Variants in PRKCA observed in about 807,000 individuals in gnomAD.
PRKCA encodes the protein protein kinase C alpha type.
Under a neutral mutation model 87.0 loss-of-function variants are expected in PRKCA, and 27 were observed. That is an observed-to-expected ratio of 0.31 (90% CI 0.23 to 0.43). The LOEUF (loss-of-function observed/expected upper bound fraction) is 0.43. Among genes scored for constraint, PRKCA ranks in the 20% least tolerant of loss-of-function variants. The pLI is 1.00. For synonymous variants in PRKCA, 329 were observed against 311.1 expected, an observed-to-expected ratio of 1.06 and a Z score of -0.61; for missense variants, 518 against 852.3, an observed-to-expected ratio of 0.61 and a Z score of 4.88.
rs1442537633 is a variant in PRKCA at position 66,302,742 on chromosome 17, C to T, written c.-110C>T. The T allele has an allele frequency of 2.3e-6, 2 of 862,650 alleles. No individual in the cohort carries two copies. Among genetic ancestry groups the T allele is most frequent in the Non-Finnish European group, 2.9e-6 (2 of 699,554 alleles). The allele number at this position is 862,650 out of a possible 1,614,324, so 53.4% of individuals were successfully genotyped here. ...CGCGACCTCGGCCACCGGCCCGCGC[C>T]CCGCGCCCGGGGTCGCCCCGAGCCC... On this transcript the variant is annotated 5_prime_UTR_variant, in exon 1 of 17. Coordinates refer to ENST00000413366, the MANE Select transcript of PRKCA (RefSeq NM_002737.3).
At chr17:66,794,625 T>C (rs577376292) in intron 16 of PRKCA, among the ~76,000 whole-genome samples, 1,219 of 102,844 alleles carry the variant, frequency 0.012, 13 homozygotes, top group Middle Eastern at 0.018. Flanking sequence ...GGGTTTTTTG[T>C]TTTTTTTTTT....
At chr17:66,431,662 C>G (rs147721844) in intron 2 of PRKCA, among the ~76,000 whole-genome samples, 28 of 152,332 alleles carry the variant, frequency 1.8e-4, no homozygotes, top group Non-Finnish European at 2.9e-4. Context: ...ATCAGTGACA[C>G]ACATGCCCTT....
At chr17:66,728,891 G>A (rs999789732) in intron 8 of PRKCA, among the ~76,000 whole-genome samples, 2 of 152,192 alleles carry the variant, frequency 1.3e-5, no homozygotes, top group African/African-American at 2.4e-5. Context: ...AGTATGAACC[G>A]CAACTTCACC....
chr17:66,579,125 G>T (rs1334342371), intron 3 of PRKCA, among the ~76,000 whole-genome samples: 1 of 152,172 alleles, frequency 6.6e-6, no homozygotes, highest in Admixed American at 6.5e-5. Context: ...TGTGGCGCTG[G>T]CACACAGCAG....
chr17:66,507,090 C>T (rs1274930928), intron 3 of PRKCA, among the ~76,000 whole-genome samples: 2 of 152,108 alleles, frequency 1.3e-5, no homozygotes, highest in Non-Finnish European at 2.9e-5. Flanking sequence ...TTAAATGTTT[C>T]TTGAGCATTT....
chr17:66,658,345 G>T (rs1298195823), intron 5 of PRKCA, among the ~76,000 whole-genome samples: 2 of 152,152 alleles, frequency 1.3e-5, no homozygotes, highest in East Asian at 3.9e-4. Context: ...GCTGGGCATG[G>T]TGGCAGACAC....
chr17:66,533,533 A>T (rs1436767322), intron 3 of PRKCA, among the ~76,000 whole-genome samples: 2 of 152,182 alleles, frequency 1.3e-5, no homozygotes, highest in Admixed American at 6.5e-5. Flanking sequence ...ACGAATGCTG[A>T]ATTTGGCTAG....
chr17:66,547,514 G>A (rs979275963), intron 3 of PRKCA, among the ~76,000 whole-genome samples: 2 of 152,136 alleles, frequency 1.3e-5, no homozygotes, highest in Non-Finnish European at 2.9e-5. Context: ...TCAGTAAGTT[G>A]AGTGCTGGTT....
chr17:66,773,110 C>G (rs115671313), intron 13 of PRKCA, among the ~76,000 whole-genome samples: 1 of 151,858 alleles, frequency 6.6e-6, no homozygotes, highest in Non-Finnish European at 1.5e-5. Context: ...GGACTCCAGA[C>G]TCACACCACC....
intron 3 of PRKCA, among the ~76,000 whole-genome samples, chr17:66,564,713 G>A (rs1035293887): frequency 2.6e-5 from 4 of 152,142 alleles, no homozygotes; most frequent in Admixed American, 2.0e-4. Flanking sequence ...CGGGTGCAGT[G>A]GCTCATGCCT....
At chr17:66,331,758 A>T (rs1226626306) in intron 2 of PRKCA, among the ~76,000 whole-genome samples, 1 of 152,232 alleles carries the variant, frequency 6.6e-6, no homozygotes, top group Non-Finnish European at 1.5e-5. Context: ...AAGGGTTGGA[A>T]CATACAGACA....
intron 2 of PRKCA, among the ~76,000 whole-genome samples, chr17:66,399,895 T>C (rs1910920084): frequency 6.6e-6 from 1 of 152,144 alleles, no homozygotes; most frequent in Admixed American, 6.5e-5. Flanking sequence ...TTGGGGATTT[T>C]TTTAGATTTT....
intron 2 of PRKCA, among the ~76,000 whole-genome samples, chr17:66,481,208 T>G (rs945022425): frequency 1.3e-5 from 2 of 152,192 alleles, no homozygotes; most frequent in African/African-American, 2.4e-5. Flanking sequence ...AAATGTTCTC[T>G]TAGTGACTCT....
chr17:66,340,955 A>AG (rs1442598165), intron 2 of PRKCA, among the ~76,000 whole-genome samples: 1 of 152,130 alleles, frequency 6.6e-6, no homozygotes, highest in Non-Finnish European at 1.5e-5. Context: ...TGGGAATCAG[A>AG]GGAGTGTGGG....
At chr17:66,335,270 A>G (rs879833785) in intron 2 of PRKCA, among the ~76,000 whole-genome samples, 42 of 151,924 alleles carry the variant, frequency 2.8e-4, no homozygotes, top group Admixed American at 1.0e-3. Flanking sequence ...TGAGACTGCA[A>G]CACATGCACC....
chr17:66,741,473 T>C (rs548721736), intron 11 of PRKCA, among the ~76,000 whole-genome samples, 186 bp from the exon 12 acceptor site: 1 of 152,306 alleles, frequency 6.6e-6, no homozygotes, highest in African/African-American at 2.4e-5. Context: ...AGCTGTCTCA[T>C]TCACGGATAA....
intron 3 of PRKCA, 118 bp downstream of exon 3, chr17:66,496,401 A>C: frequency 4.9e-6 from 4 of 811,480 alleles, no homozygotes; most frequent in Non-Finnish European, 8.2e-6. Flanking sequence ...CTCAATTCTC[A>C]TAGAGCGTTG....
chr17:66,338,324 G>A (rs1567778808), intron 2 of PRKCA, among the ~76,000 whole-genome samples: 2 of 151,860 alleles, frequency 1.3e-5, no homozygotes, highest in African/African-American at 4.8e-5. Flanking sequence ...CCAATTTTCC[G>A]AATGGCCTCT....
Position 66,804,870 on chromosome 17 carries a change from C to A in PRKCA, c.*833C>A. 3.0e-6 allele frequency: 1 copy of A among 338,028 alleles called. No homozygotes were observed. The highest frequency in any genetic ancestry group is 4.2e-6 in the Non-Finnish European group (1 of 238,184). The allele number at this position is 338,028 out of a possible 1,614,324, so 20.9% of individuals were successfully genotyped here. A position where few individuals can be genotyped will look rare whatever the true frequency, so the allele number is the denominator to read the frequency against. ...ATTATTTTTCCATCCAGGGTGCCAT[C>A]AGTAATCATGCCACTACTCACCAGT... On this transcript the variant is annotated 3_prime_UTR_variant, in exon 17 of 17. Transcript: ENST00000413366.
Sources: gnomAD v4.1 joint callset for allele counts (sites outside exome capture counted in the v4.1 genomes callset) on GRCh38, gnomAD v4.1.1 for gene constraint, MANE v1.5 for transcripts, NCBI Gene and HGNC (gene_info 2026-07-23, HGNC 2026-07-21) for gene names.